The following ADGRE3 variants were observed in gnomAD, a reference collection of about 807,000 sequenced individuals.
ADGRE3 encodes adhesion G protein-coupled receptor E3, also known as EGF-like module receptor 3.
A neutral mutation model predicts 80.1 loss-of-function variants in ADGRE3; 88 were observed. The ratio of observed to expected loss-of-function variants is 1.10; its 90% confidence interval spans 0.93 to 1.31. The LOEUF (loss-of-function observed/expected upper bound fraction) is 1.31. Ranked by LOEUF, ADGRE3 falls within the 40% of genes most tolerant of loss-of-function variation. The pLI, the probability that ADGRE3 is intolerant of heterozygous loss-of-function variation, is 0.00. For synonymous variants in ADGRE3, 281 were observed against 294.8 expected (o/e 0.95, Z 0.48); for missense variants, 715 against 776.5 (o/e 0.92, Z 0.94).
At chr19:14,648,233 G>C (rs1050970350) in intron 7 of ADGRE3, among the ~76,000 whole-genome samples, 4 of 152,030 alleles carry the variant, frequency 2.6e-5, no homozygotes, top group Non-Finnish European at 5.9e-5. Flanking sequence ...ACCCTGGCTC[G>C]AATCCCTGGC....
In ADGRE3 at chr19:14,636,081, C is replaced by CCTTT. The variant is rs1173314767; in HGVS notation, c.1484+2020_1484+2023dup. On this transcript the variant is annotated intron_variant, in intron 11 of 15. Coordinates refer to ENST00000253673, the MANE Select transcript of ADGRE3 (RefSeq NM_032571.5). ...CCTTCCTTTCCTTTCCTTTCCTTTC[C>CCTTT]CTTTCTTTCTTTCTTTCTTTCTTTC... Among the ~76,000 whole-genome samples, 188 of 24,520 alleles carry CCTTT rather than the reference C, an allele frequency of 7.7e-3. 19 individuals are homozygous for CCTTT. The highest frequency in any genetic ancestry group is 0.038 in the East Asian group (26 of 676). 16.1% of individuals were successfully genotyped at this position (24,520 alleles called of 152,430 possible). A position where few individuals can be genotyped will look rare whatever the true frequency, so the allele number is the denominator to read the frequency against.
intron 8 of ADGRE3, among the ~76,000 whole-genome samples, chr19:14,645,152 C>T (rs1050190188): frequency 1.3e-5 from 2 of 151,976 alleles, no homozygotes; most frequent in Non-Finnish European, 1.5e-5. Flanking sequence ...GGTTTTAGAA[C>T]CTTGCCCCAA....
intron 13 of ADGRE3, among the ~76,000 whole-genome samples, chr19:14,631,635 ATG>A (rs1025644285): frequency 1.2e-3 from 175 of 151,850 alleles, no homozygotes; most frequent in African/African-American, 3.6e-3. Flanking sequence ...GTGTATGTAT[ATG>A]TGTGTACATA....
At chr19:14,637,271 A>C (rs964370566) in intron 11 of ADGRE3, among the ~76,000 whole-genome samples, 1 of 151,998 alleles carries the variant, frequency 6.6e-6, no homozygotes, top group African/African-American at 2.4e-5. Context: ...ACCCTGACCC[A>C]CATTTTCCAG....
chr19:14,654,425 G>C (rs950754248), intron 6 of ADGRE3, among the ~76,000 whole-genome samples: 2 of 151,498 alleles, frequency 1.3e-5, no homozygotes, highest in Admixed American at 6.6e-5. Context: ...ACTGCACCTG[G>C]CAAATTTTAA....
the ADGRE3 span, among the ~76,000 whole-genome samples, chr19:14,612,625 G>A: frequency 6.6e-6 from 1 of 152,016 alleles, no homozygotes; most frequent in East Asian, 1.9e-4. Context: ...ATGAGCCACT[G>A]TGCTGGGCCT....
the ADGRE3 span, among the ~76,000 whole-genome samples, chr19:14,608,319 G>T: frequency 6.6e-6 from 1 of 152,204 alleles, no homozygotes; most frequent in Non-Finnish European, 1.5e-5. Flanking sequence ...GGGGCCTAGA[G>T]ACCCTGATTG....
the ADGRE3 span, among the ~76,000 whole-genome samples, chr19:14,613,761 C>A: frequency 1.3e-5 from 2 of 151,916 alleles, no homozygotes; most frequent in Non-Finnish European, 2.9e-5. Flanking sequence ...TCTCGGCTCA[C>A]TGCAACCTCC....
At chr19:14,624,933 G>T (rs10422856) in intron 15 of ADGRE3, among the ~76,000 whole-genome samples, 8,507 of 151,500 alleles carry the variant, frequency 0.056, 317 homozygotes, top group Middle Eastern at 0.11. Flanking sequence ...GGACGTTGGA[G>T]GGGGGAGAGC....
chr19:14,602,658 ATCT>A, the ADGRE3 span, among the ~76,000 whole-genome samples: 2 of 151,814 alleles, frequency 1.3e-5, no homozygotes, highest in Non-Finnish European at 2.9e-5. Context: ...TAGGTCTATC[ATCT>A]TATTATTTTC....
chr19:14,615,757 TAA>T (rs559844563), downstream of ADGRE3, among the ~76,000 whole-genome samples: 3 of 136,134 alleles, frequency 2.2e-5, no homozygotes, highest in Non-Finnish European at 1.6e-5. Context: ...GAGACTCTGC[TAA>T]AAAAAAAAAA....
At chr19:14,621,509 A>G in intron 15 of ADGRE3, 1 of 552,384 alleles carries the variant, frequency 1.8e-6, no homozygotes, top group Non-Finnish European at 3.3e-6. Context: ...TATGTTGCCC[A>G]GGCTGGTCTA....
intron 4 of ADGRE3, 51 bp downstream of exon 4, chr19:14,661,912 C>A: frequency 6.3e-7 from 1 of 1,589,790 alleles, no homozygotes; most frequent in Non-Finnish European, 8.6e-7. Context: ...AACAAACAAA[C>A]AAAAAAACAA....
At position 14,663,559 on chromosome 19, in the gene ADGRE3, C is replaced by A. The variant is rs369598351; in HGVS notation, c.77-19G>T. 4 of 1,608,534 alleles carry A rather than the reference C, an allele frequency of 2.5e-6. No homozygotes were observed. The highest frequency in any genetic ancestry group is 1.3e-5 in the African/African-American group (1 of 74,820). ...CAGGAAGCTGCAGGGAGAAGAGAGG[C>A]AGGTTAAATGGACTGGGGTCACAAA... On this transcript the variant is annotated intron_variant, in intron 2 of 15. Transcript: ENST00000253673.
chr19:14,641,316 T>C, intron 10 of ADGRE3, 103 bp downstream of exon 10: 2 of 1,431,704 alleles, frequency 1.4e-6, no homozygotes, highest in South Asian at 1.2e-5. Context: ...TTTTCTCCTC[T>C]ACAGACCCAA....
chr19:14,636,076 CTTTCCCTTTCTTT>C (rs1282993154), intron 11 of ADGRE3, among the ~76,000 whole-genome samples: 27 of 69,054 alleles, frequency 3.9e-4, no homozygotes, highest in South Asian at 6.1e-4. Flanking sequence ...CTTTCCTTTC[CTTTCCCTTTCTTT>C]CTTTCTTTCT....
Position 14,638,241 on chromosome 19 carries a change from T to A in ADGRE3, c.1348A>T (p.Asn450Tyr). The change falls in exon 11 of 16, where the codon AAC becomes TAC. Residue 450 changes from asparagine (N) to tyrosine (Y), a missense_variant. By Grantham distance (143) the Asn-to-Tyr change is moderately radical. Coordinates refer to ENST00000253673, the MANE Select transcript of ADGRE3 (RefSeq NM_032571.5). ...CTTGAGTAGTTGACCACTGTCAGGT[T>A]CCGTGCAGTGAGGAAGAGGTGCACA... ...EGVHLFLTAR[N>Y]LTVVNYSSIN... The A allele has an allele frequency of 1.2e-6, 2 of 1,614,062 alleles. No individual in the cohort carries two copies. Among genetic ancestry groups the A allele is most frequent in the Non-Finnish European group, 1.7e-6 (2 of 1,179,982 alleles).
intron 11 of ADGRE3, among the ~76,000 whole-genome samples, chr19:14,636,181 CTCTT>C (rs113595431): frequency 0.78 from 56,070 of 71,932 alleles, 23,355 homozygotes; most frequent in African/African-American, 0.81. Context: ...CCTTTCCTTC[CTCTT>C]TCTTTCTTTC....
chr19:14,620,471 TTATGA>T (rs1346663405), intron 15 of ADGRE3, among the ~76,000 whole-genome samples: 1 of 121,160 alleles, frequency 8.3e-6, no homozygotes, highest in African/African-American at 3.2e-5. Flanking sequence ...TATGAATATA[TTATGA>T]GTACATATGA....
Sources: allele counts gnomAD v4.1 joint callset (sites outside exome capture counted in the v4.1 genomes callset), GRCh38; gene constraint gnomAD v4.1.1; transcripts MANE v1.5; gene names NCBI Gene and HGNC (gene_info 2026-07-23, HGNC 2026-07-21).